The following DOCK11 variants were observed in gnomAD, a reference collection of about 807,000 sequenced individuals.
The protein encoded by DOCK11 is dedicator of cytokinesis protein 11.
DOCK11 carries 70 observed loss-of-function variants against 169.1 expected under a neutral mutation model. That is an observed-to-expected ratio of 0.41 (90% confidence interval 0.34 to 0.51). The LOEUF (loss-of-function observed/expected upper bound fraction) is 0.51. DOCK11 is among the 20% of genes least tolerant of loss of function. DOCK11 has a pLI of 0.10. For missense variants in DOCK11, 1,166 were observed against 1,538.8 expected (o/e 0.76, Z 4.05); for synonymous variants, 529 against 541.3 (o/e 0.98, Z 0.32).
intron 46 of DOCK11, among the ~76,000 whole-genome samples, 186 bp downstream of exon 46, chrX:118,671,331 C>G (rs2016466749): frequency 9.0e-6 from 1 of 111,626 alleles, no homozygotes; most frequent in Non-Finnish European, 1.9e-5. Context: ...TGTCCAATTT[C>G]AAAGTGACAA....
intron 12 of DOCK11, 105 bp downstream of exon 12, chrX:118,574,123 CTT>C: frequency 1.2e-6 from 1 of 844,534 alleles, no homozygotes; most frequent in South Asian, 2.9e-5. Flanking sequence ...CATTCTCTCT[CTT>C]GTAAGGTCTG....
At chrX:118,557,762 T>TGA (rs1372568223) in intron 6 of DOCK11, among the ~76,000 whole-genome samples, 1 of 14,496 alleles carries the variant, frequency 6.9e-5, no homozygotes, top group Non-Finnish European at 1.0e-4. Context: ...AGACTCTGTC[T>TGA]CAAAAAAAAA....
chrX:118,553,641 G>A (rs2012579411), intron 6 of DOCK11, among the ~76,000 whole-genome samples: 2 of 111,773 alleles, frequency 1.8e-5, no homozygotes, highest in African/African-American at 6.5e-5. Flanking sequence ...TTCCAGGAGG[G>A]ATTTTTCCTC....
In DOCK11 at chrX:118,638,068, T is replaced by C. The variant is rs2015436683; in HGVS notation, c.3954-12T>C. The C allele has an allele frequency of 8.4e-7, 1 of 1,191,413 alleles. No homozygotes were observed. The highest frequency in any genetic ancestry group is 1.1e-6 in the Non-Finnish European group (1 of 879,758). On this transcript the variant is annotated splice_polypyrimidine_tract_variant and intron_variant, in intron 36 of 52. Coordinates refer to ENST00000276202, the MANE Select transcript of DOCK11 (RefSeq NM_144658.4). ...TAATATATTACTAACATGCTATTGT[T>C]TTTCTTTCTAGAGTATGCTTGTTTC...
At chrX:118,515,883 C>T (rs1233639401) in intron 1 of DOCK11, among the ~76,000 whole-genome samples, 1 of 104,501 alleles carries the variant, frequency 9.6e-6, no homozygotes, top group Non-Finnish European at 1.9e-5. Flanking sequence ...TCTCCTTTTG[C>T]TTATTTGTAA....
chrX:118,500,112 G>A (rs1325987858), intron 1 of DOCK11, among the ~76,000 whole-genome samples: 4 of 107,919 alleles, frequency 3.7e-5, no homozygotes, highest in African/African-American at 1.4e-4. Flanking sequence ...GCGGTGGCGG[G>A]ATCTCGGCTC....
intron 37 of DOCK11, 72 bp from the exon 38 acceptor site, chrX:118,639,363 T>A (rs1307791119): frequency 1.8e-6 from 2 of 1,092,932 alleles, no homozygotes; most frequent in Non-Finnish European, 2.4e-6. Context: ...TAATTTTTTT[T>A]AGTTAAAAAG....
intron 31 of DOCK11, among the ~76,000 whole-genome samples, chrX:118,623,563 C>G (rs2015025255): frequency 8.9e-6 from 1 of 112,816 alleles, no homozygotes; most frequent in Non-Finnish European, 1.9e-5. Flanking sequence ...TCAGAATCTT[C>G]TGGTGGTAGA....
intron 1 of DOCK11, among the ~76,000 whole-genome samples, chrX:118,540,082 A>C (rs1057337250): frequency 9.4e-6 from 1 of 106,442 alleles, no homozygotes. Flanking sequence ...AAAAAGGAAA[A>C]GAAAAGAAAA....
intron 31 of DOCK11, among the ~76,000 whole-genome samples, chrX:118,620,398 T>C (rs2014942432): frequency 8.9e-6 from 1 of 112,239 alleles, no homozygotes; most frequent in East Asian, 2.8e-4. Flanking sequence ...ATTTGTCCTT[T>C]TTAAACAGAA....
At chrX:118,617,500 A>C (rs1381889900) in intron 30 of DOCK11, among the ~76,000 whole-genome samples, 1 of 108,778 alleles carries the variant, frequency 9.2e-6, no homozygotes, top group Admixed American at 9.9e-5. Flanking sequence ...TCAAAAAAAA[A>C]AAAATTACTA....
Position 118,560,451 on chromosome X carries a change from A to C in DOCK11, c.559-932A>C, listed in dbSNP as rs140865282. 4.3e-3 allele frequency among the ~76,000 whole-genome samples: 476 copies of C among 111,867 alleles called. 3 individuals carry two copies. Among genetic ancestry groups the C allele is most frequent in the African/African-American group, 0.015 (458 of 30,840 alleles). ...AGATGCATAGGAATGCATTTCCTCA[A>C]TAATCACCAGGAGCTGCTCTTCCCA... On this transcript the variant is annotated intron_variant, in intron 6 of 52. Coordinates refer to ENST00000276202, the MANE Select transcript of DOCK11 (RefSeq NM_144658.4).
chrX:118,576,688 T>C (rs2013460616), intron 12 of DOCK11, among the ~76,000 whole-genome samples: 1 of 112,235 alleles, frequency 8.9e-6, no homozygotes, highest in Non-Finnish European at 1.9e-5. Context: ...CTGACAGTGA[T>C]CTCAAACAAG....
intron 22 of DOCK11, 65 bp downstream of exon 22, chrX:118,598,181 C>T: frequency 1.2e-6 from 1 of 816,495 alleles, no homozygotes; most frequent in Non-Finnish European, 1.8e-6. Flanking sequence ...AAATAGACCA[C>T]ATTTGATTCC....
At chrX:118,657,870 G>A (rs781700629) in intron 44 of DOCK11, among the ~76,000 whole-genome samples, 21 of 109,667 alleles carry the variant, frequency 1.9e-4, no homozygotes, top group Non-Finnish European at 4.0e-4. Context: ...CTACACATTG[G>A]GTACTGCTCG....
chrX:118,537,972 G>T (rs1312228215), intron 1 of DOCK11, among the ~76,000 whole-genome samples: 1 of 112,058 alleles, frequency 8.9e-6, no homozygotes, highest in African/African-American at 3.2e-5. Context: ...TTAGTGGCCT[G>T]AGTAAGCAAC....
Position 118,625,627 on chromosome X carries a change from C to G in DOCK11, c.3588+972C>G, listed in dbSNP as rs934281581. On this transcript the variant is annotated intron_variant, in intron 32 of 52. Transcript: ENST00000276202. ...CTTAACATTTTCTGTTGTTGTATGG[C>G]TTCATACATTTATTCAACTTAAACT... Among the ~76,000 whole-genome samples, 3 of 112,135 alleles carry G rather than the reference C, an allele frequency of 2.7e-5. No individual in the cohort carries two copies. In the Admixed American group the frequency reaches 2.8e-4, roughly 11 times the overall value.
At chrX:118,654,558 G>A (rs763397322) in intron 42 of DOCK11, 44 bp from the exon 43 acceptor site, 3 of 1,146,026 alleles carry the variant, frequency 2.6e-6, no homozygotes, top group Non-Finnish European at 3.6e-6. Context: ...AGAGCACATC[G>A]ATATTGTTGT....
At chrX:118,580,072 C>T (rs1302456102) in intron 13 of DOCK11, 25 bp from the exon 14 acceptor site, 1 of 1,181,538 alleles carries the variant, frequency 8.5e-7, no homozygotes, top group Non-Finnish European at 1.1e-6. Context: ...CAAATACAAG[C>T]CTATCTTCTT....
Sources: allele counts gnomAD v4.1 joint callset (sites outside exome capture counted in the v4.1 genomes callset), GRCh38; gene constraint gnomAD v4.1.1; transcripts MANE v1.5; gene names NCBI Gene and HGNC (gene_info 2026-07-23, HGNC 2026-07-21).